MUC17: variants seen among roughly 807,000 people sequenced by gnomAD.
MUC17 encodes the protein mucin-17.
Under a neutral mutation model 170.3 loss-of-function variants are expected in MUC17, and 190 were observed. The ratio of observed to expected loss-of-function variants is 1.12; its 90% CI spans 0.99 to 1.26. The LOEUF (loss-of-function observed/expected upper bound fraction) is 1.26, where lower values mean the gene tolerates loss of function less well. Among genes scored for constraint, MUC17 ranks in the 50% most tolerant of loss-of-function variants. MUC17 has a pLI of 0.00. For missense variants in MUC17, 6,415 were observed against 5,530.0 expected (o/e 1.16, Z -5.08); for synonymous variants, 2,325 against 2,002.5 (o/e 1.16, Z -4.30).
At position 101,037,558 on chromosome 7, in the gene MUC17, G is replaced by A. The variant is rs142999731; in HGVS notation, c.6142G>A (p.Gly2048Ser). 1 of 1,612,328 alleles carries A rather than the reference G, an allele frequency of 6.2e-7. No homozygotes were observed. Among genetic ancestry groups the A allele is most frequent in the Non-Finnish European group, 8.5e-7 (1 of 1,179,342 alleles). Residue 2048 changes from glycine to serine, a missense_variant, in exon 3 of 13, where the codon GGT becomes AGT. Gly to Ser is a moderately conservative substitution (Grantham distance 56). Transcript: ENST00000306151. ...TPSERTTPLA[G>S]MPVSTTLVVS... ...TAGTGAACGGACCACTCCATTAGCA[G>A]GTATGCCTGTCAGCACTACGCTTGT... is the stretch of plus-strand genomic sequence containing the variant.
chr7:101,055,090 A>T (rs1458033586), intron 11 of MUC17, among the ~76,000 whole-genome samples: 2 of 152,154 alleles, frequency 1.3e-5, no homozygotes, highest in Admixed American at 1.3e-4. Context: ...CCTGGGCAAC[A>T]GAGCAAGATT....
rs1327056738 is a variant in MUC17 at position 101,053,005 on chromosome 7, C to T, written c.13123C>T (p.His4375Tyr). The T allele has an allele frequency of 6.2e-7, 1 of 1,613,692 alleles. No homozygotes were observed. The highest frequency in any genetic ancestry group is 2.2e-5 in the East Asian group (1 of 44,888). Residue 4375 changes from histidine to tyrosine, a missense_variant, in exon 10 of 13, where the codon CAC (histidine) becomes TAC (tyrosine). Physicochemically the swap from His to Tyr is moderately conservative, Grantham distance 83. Coordinates refer to ENST00000306151, the MANE Select transcript of MUC17 (RefSeq NM_001040105.2). ...TCTCAGCTGCGTGACCACGGAAACT[C>T]ACTGGTACAGTGGGGAGACCTGTAA... Reference protein sequence around the residue: ...PQCLCVTTETHWYSGETCNQG... With the variant: ...PQCLCVTTETYWYSGETCNQG...
intron 1 of MUC17, among the ~76,000 whole-genome samples, chr7:101,021,633 T>G (rs1459131350): frequency 6.6e-6 from 1 of 152,118 alleles, no homozygotes; most frequent in African/African-American, 2.4e-5. Flanking sequence ...TTATCATTGA[T>G]TTCATCCCTA....
At position 101,035,005 on chromosome 7, in the gene MUC17, G is replaced by T. The variant is rs751374832; in HGVS notation, c.3589G>T (p.Ala1197Ser). 1.9e-6 allele frequency: 3 copies of T among 1,613,720 alleles called. No individual in the cohort carries two copies. The highest frequency in any genetic ancestry group is 2.5e-6 in the Non-Finnish European group (3 of 1,179,972). The change falls in exon 3 of 13, where the codon GCC becomes TCC. Residue 1197 changes from alanine (A) to serine (S), a missense_variant. Transcript: ENST00000306151. ...SKTQVATSTE[A>S]SSPPPTAEVT... The stretch of plus-strand genomic sequence containing the variant: ...AACTCAGGTGGCCACTTCTACTGAA[G>T]CCAGTTCACCTCCTCCAACTGCTGA...
Position 101,031,262 on chromosome 7 carries a change from C to A in MUC17, c.184+41C>A, listed in dbSNP as rs112089218. ...CCAAGATCTATCTGGGAAGGTGGCT[C>A]ACCTGCGAAAGGGCTAGAGCGACCC... On this transcript the variant is annotated intron_variant, in intron 2 of 12. Coordinates refer to ENST00000306151, the MANE Select transcript of MUC17 (RefSeq NM_001040105.2). The A allele has an allele frequency of 6.0e-4, 956 of 1,591,878 alleles. 9 individuals are homozygous for A. In the African/African-American group the frequency reaches 0.011, roughly 19 times the overall value.
At position 101,040,962 on chromosome 7, in the gene MUC17, C is replaced by T. The variant is rs1794679918; in HGVS notation, c.9546C>T (p.Ser3182=). 2 of 1,613,474 alleles carry T rather than the reference C, an allele frequency of 1.2e-6. No homozygotes were observed. Among genetic ancestry groups the T allele is most frequent in the Non-Finnish European group, 1.7e-6 (2 of 1,179,878 alleles). The stretch of plus-strand genomic sequence containing the variant: ...TGCTGGTAGTCAGTTCTGAGGATAG[C>T]ACCCTTTCAGCAACTCCTGTTGACA... The part of the protein sequence containing the change: ...STMLVVSSED[S]TLSATPVDTS... The change falls in exon 3 of 13, where the codon AGC becomes AGT. Residue 3182 remains serine (S), a synonymous_variant. Transcript: ENST00000306151.
Position 101,043,708 on chromosome 7 carries a change from C to G in MUC17, c.12292C>G (p.Pro4098Ala), listed in dbSNP as rs1167562347. The G allele has an allele frequency of 6.2e-7, 1 of 1,614,214 alleles. No individual in the cohort carries two copies. The highest frequency in any genetic ancestry group is 1.7e-5 in the Admixed American group (1 of 60,030). ...CACCACCATGACCACCAGGACAAAACCCAGCACACGGACCACTTCCTTCCC... is the reference window on the plus strand; with the variant it reads ...CACCACCATGACCACCAGGACAAAAGCCAGCACACGGACCACTTCCTTCCC... ...AVTTMTTRTK[P>A]STRTTSFPTV... is the part of the protein sequence containing the mutation. The change falls in exon 3 of 13, where the codon CCC becomes GCC. Residue 4098 changes from proline (P) to alanine (A), a missense_variant. By Grantham distance (27) the Pro-to-Ala change is conservative. Transcript: ENST00000306151.
intron 1 of MUC17, among the ~76,000 whole-genome samples, chr7:101,022,260 A>G (rs986302341): frequency 2.0e-5 from 3 of 146,444 alleles, no homozygotes; most frequent in Admixed American, 7.1e-5. Flanking sequence ...TCCACCTCCC[A>G]GGTTCAAGCA....
Position 101,051,924 on chromosome 7 carries a change from C to T in MUC17, c.13065C>T (p.Leu4355=), listed in dbSNP as rs375383681. 1.9e-5 allele frequency: 30 copies of T among 1,614,024 alleles called. No homozygotes were observed. Among genetic ancestry groups the T allele is most frequent in the South Asian group, 4.4e-5 (4 of 91,084 alleles). ...TCAGTGTCTCCAAGAACTGTAACCT[C>T]GGCAAGTGCCAGATGTCTCTAAGTG... ...PGFSVSKNCN[L]GKCQMSLSGP... Residue 4355 remains leucine, a synonymous_variant, in exon 9 of 13, where the codon CTC becomes CTT. Transcript: ENST00000306151.
chr7:101,033,539 T>A lies in MUC17; in HGVS notation c.2123T>A (p.Leu708His), dbSNP rs1374354841. ...TLVASSEAST[L>H]STTPVDTSTP... ...GTGGCCAGTTCTGAGGCTAGCACCC[T>A]TTCAACAACTCCTGTTGACACCAGC... Residue 708 changes from leucine to histidine, a missense_variant, in exon 3 of 13, where the codon CTT becomes CAT. Leu to His is a moderately conservative substitution (Grantham distance 99). Transcript: ENST00000306151. 2 of 1,614,018 alleles carry A rather than the reference T, an allele frequency of 1.2e-6. No individual in the cohort carries two copies. Among genetic ancestry groups the A allele is most frequent in the Non-Finnish European group, 1.7e-6 (2 of 1,179,994 alleles).
intron 12 of MUC17, among the ~76,000 whole-genome samples, chr7:101,057,189 C>T (rs1263864191): frequency 6.6e-6 from 1 of 152,116 alleles, no homozygotes; most frequent in Non-Finnish European, 1.5e-5. Context: ...CAGGTTTTCC[C>T]CTCATGATTA....
rs1317443460 is a variant in MUC17, at chr7:101,034,940, C to T, written c.3524C>T (p.Ser1175Phe). 3 of 1,614,138 alleles carry T rather than the reference C, an allele frequency of 1.9e-6. No homozygotes were observed. The East Asian group carries it at 6.7e-5, about 36-fold the overall frequency. ...MPVSTTLVVS[S>F]EANTLSTTPV... is the part of the protein sequence containing the mutation. Reference sequence around the variant, plus strand: ...GTCAGCACCACGCTGGTGGTCAGTTCTGAGGCTAACACCCTTTCAACAACT... The same window carrying T: ...GTCAGCACCACGCTGGTGGTCAGTTTTGAGGCTAACACCCTTTCAACAACT... The change falls in exon 3 of 13, where the codon TCT (serine) becomes TTT (phenylalanine). Residue 1175 changes from serine (S) to phenylalanine (F), a missense_variant. Transcript: ENST00000306151.
At position 101,033,837 on chromosome 7, in the gene MUC17, A is replaced by C; in HGVS notation, c.2421A>C (p.Leu807Phe). Residue 807 changes from leucine to phenylalanine, a missense_variant, in exon 3 of 13, where the codon TTA (leucine) becomes TTC (phenylalanine). Transcript: ENST00000306151. Reference protein sequence around the residue: ...PISTPSEGSPLLTSIPVSITP... With the variant: ...PISTPSEGSPFLTSIPVSITP... Reference sequence around the variant, plus strand: ...CAACTCCTAGTGAAGGAAGTCCTTTATTAACAAGTATACCTGTCAGCATCA... The same window carrying C: ...CAACTCCTAGTGAAGGAAGTCCTTTCTTAACAAGTATACCTGTCAGCATCA... 1 of 1,613,202 alleles carries C rather than the reference A, an allele frequency of 6.2e-7. No individual in the cohort carries two copies. Among genetic ancestry groups the C allele is most frequent in the Non-Finnish European group, 8.5e-7 (1 of 1,179,810 alleles).
chr7:101,034,973 A>G lies in MUC17; in HGVS notation c.3557A>G (p.Asp1186Gly). 1 of 1,612,890 alleles carries G rather than the reference A, an allele frequency of 6.2e-7. No individual in the cohort carries two copies. The highest frequency in any genetic ancestry group is 8.5e-7 in the Non-Finnish European group (1 of 1,179,734). The change falls in exon 3 of 13, where the codon GAC becomes GGC. Residue 1186 changes from aspartate (D) to glycine (G), a missense_variant. Asp to Gly is a moderately conservative substitution (Grantham distance 94, BLOSUM62 -1). Coordinates refer to ENST00000306151, the MANE Select transcript of MUC17 (RefSeq NM_001040105.2). Reference protein sequence around the residue: ...EANTLSTTPVDSKTQVATSTE... With the variant: ...EANTLSTTPVGSKTQVATSTE... The stretch of plus-strand genomic sequence containing the variant: ...AACACCCTTTCAACAACTCCTGTGG[A>G]CTCCAAAACTCAGGTGGCCACTTCT...
In MUC17 at chr7:101,033,327, C is replaced by T. The variant is rs766165527; in HGVS notation, c.1911C>T (p.Ser637=). Residue 637 remains serine (S), a synonymous_variant, in exon 3 of 13, where the codon AGC becomes AGT. Coordinates refer to ENST00000306151, the MANE Select transcript of MUC17 (RefSeq NM_001040105.2). ...RGTTITSMSV[S]TTLVASSEAS... Reference sequence around the variant, plus strand: ...CTACAATAACAAGTATGTCTGTCAGCACCACACTGGTGGCCAGTTCTGAGG... The same window carrying T: ...CTACAATAACAAGTATGTCTGTCAGTACCACACTGGTGGCCAGTTCTGAGG... The T allele has an allele frequency of 2.3e-5, 37 of 1,613,818 alleles. No homozygotes were observed. Among genetic ancestry groups the T allele is most frequent in the Middle Eastern group, 1.6e-4 (1 of 6,062 alleles).
rs1451335633 is a variant in MUC17 at position 101,040,889 on chromosome 7, C to T, written c.9473C>T (p.Thr3158Ile). 1 of 1,613,882 alleles carries T rather than the reference C, an allele frequency of 6.2e-7. No individual in the cohort carries two copies. The highest frequency in any genetic ancestry group is 1.7e-5 in the Admixed American group (1 of 59,998). ...TSEGTSMPTS[T>I]PSEGSTPLTY... ...GAAGGTACCAGCATGCCAACCTCAA[C>T]TCCTAGTGAAGGAAGTACTCCATTA... The change falls in exon 3 of 13, where the codon ACT becomes ATT. Residue 3158 changes from threonine to isoleucine, a missense_variant. Coordinates refer to ENST00000306151, the MANE Select transcript of MUC17 (RefSeq NM_001040105.2).
rs35988443 is a variant in MUC17, at chr7:101,041,312, G to T, written c.9896G>T (p.Ser3299Ile). The change falls in exon 3 of 13, where the codon AGC becomes ATC. Residue 3299 changes from serine to isoleucine, a missense_variant. Physicochemically the swap from Ser to Ile is moderately radical, Grantham distance 142. Transcript: ENST00000306151. Reference sequence around the variant, plus strand: ...ACAACGGTGGCCAGTTCTGAAACGAGCACCCTTTCAACAACTCCTGCTGAC... The same window carrying T: ...ACAACGGTGGCCAGTTCTGAAACGATCACCCTTTCAACAACTCCTGCTGAC... ...STTTVASSET[S>I]TLSTTPADTS... The T allele has an allele frequency of 1.2e-6, 2 of 1,608,108 alleles. No homozygotes were observed. The highest frequency in any genetic ancestry group is 8.5e-7 in the Non-Finnish European group (1 of 1,179,460).
In MUC17 at chr7:101,039,482, A is replaced by G. The variant is rs1293451656; in HGVS notation, c.8066A>G (p.Glu2689Gly). The G allele has an allele frequency of 6.2e-7, 1 of 1,611,204 alleles. No individual in the cohort carries two copies. The highest frequency in any genetic ancestry group is 1.3e-5 in the African/African-American group (1 of 74,648). Residue 2689 changes from glutamate to glycine, a missense_variant, in exon 3 of 13, where the codon GAA becomes GGA. Glu to Gly is a moderately conservative substitution (Grantham distance 98, BLOSUM62 -2). Transcript: ENST00000306151. ...AGCATGCCAACCTCAACTCCTGGTG[A>G]AAGAAGCACTCCATTAACAAATATA... ...GSSMPTSTPG[E>G]RSTPLTNILV...
rs1562818079 is a variant in MUC17, at chr7:101,041,887, A to T, written c.10471A>T (p.Thr3491Ser). 6.2e-7 allele frequency: 1 copy of T among 1,614,012 alleles called. No homozygotes were observed. The change falls in exon 3 of 13, where the codon ACT (threonine) becomes TCT (serine). Residue 3491 changes from threonine to serine, a missense_variant. Coordinates refer to ENST00000306151, the MANE Select transcript of MUC17 (RefSeq NM_001040105.2). Reference protein sequence around the residue: ...TPVDTSTPVTTSSPTNSSPTT... With the variant: ...TPVDTSTPVTSSSPTNSSPTT... ...TGTTGACACCAGCACACCTGTGACCACTTCTTCTCCAACCAATTCATCTCC... is the reference window on the plus strand; with the variant it reads ...TGTTGACACCAGCACACCTGTGACCTCTTCTTCTCCAACCAATTCATCTCC...
Sources: allele counts gnomAD v4.1 joint callset (sites outside exome capture counted in the v4.1 genomes callset), GRCh38; gene constraint gnomAD v4.1.1; transcripts MANE v1.5; gene names NCBI Gene and HGNC (gene_info 2026-07-23, HGNC 2026-07-21).